ZNF658: variants seen among roughly 807,000 people sequenced by gnomAD.
ZNF658 encodes the protein zinc finger protein 658.
ZNF658 carries 46 observed loss-of-function variants against 78.0 expected under a neutral mutation model. The observed-to-expected ratio is 0.59, with a 90% confidence interval of 0.47 to 0.75. The LOEUF (loss-of-function observed/expected upper bound fraction) is 0.75, where lower values mean the gene tolerates loss of function less well. ZNF658 is among the 30% of genes least tolerant of loss of function. ZNF658 has a pLI of 0.00. For synonymous variants in ZNF658, 279 were observed against 408.4 expected (o/e 0.68, Z 3.82); for missense variants, 785 against 1,189.3 (o/e 0.66, Z 5.00).
intron 6 of ZNF658, among the ~76,000 whole-genome samples, chr9:66,931,795 C>T: frequency 8.2e-6 from 1 of 121,478 alleles, no homozygotes; most frequent in Non-Finnish European, 1.7e-5. Context: ...TAAAAACTCA[C>T]ATCATGTCAA....
At chr9:66,908,404 G>C (rs1198731979) in intron 3 of ZNF658, 40 bp downstream of exon 3, 6 of 1,613,054 alleles carry the variant, frequency 3.7e-6, no homozygotes, top group Non-Finnish European at 5.1e-6. Context: ...GAGAATATAT[G>C]TCCCTTTTTA....
At chr9:66,913,469 C>T (rs1421675226) in intron 4 of ZNF658, among the ~76,000 whole-genome samples, 2 of 151,558 alleles carry the variant, frequency 1.3e-5, no homozygotes, top group Non-Finnish European at 2.9e-5. Flanking sequence ...CTTCCACCCC[C>T]AGGGGGTCAG....
chr9:66,902,032 T>A (rs1821964049), intron 1 of ZNF658, among the ~76,000 whole-genome samples: 1 of 152,184 alleles, frequency 6.6e-6, no homozygotes, highest in South Asian at 2.1e-4. Flanking sequence ...TTTACTTAAC[T>A]CATTCCTTCC....
chr9:66,908,437 C>T (rs1564170399), intron 3 of ZNF658, 73 bp downstream of exon 3: 1 of 1,600,784 alleles, frequency 6.2e-7, no homozygotes, highest in Non-Finnish European at 8.5e-7. Flanking sequence ...ACACATGGAC[C>T]CTTTATAGAG....
downstream of ZNF658, among the ~76,000 whole-genome samples, chr9:66,922,440 C>T (rs1261388141): frequency 2.1e-5 from 3 of 141,962 alleles, no homozygotes; most frequent in Non-Finnish European, 3.1e-5. Flanking sequence ...ACGCTGGGAG[C>T]TGTAGACTGG....
chr9:66,901,416 G>T (rs1362440984), intron 1 of ZNF658, among the ~76,000 whole-genome samples: 1 of 151,880 alleles, frequency 6.6e-6, no homozygotes, highest in Non-Finnish European at 1.5e-5. Flanking sequence ...CCTGCCTAAA[G>T]CCTTCAGAGC....
chr9:66,905,057 C>CTTTTT (rs1564168801), intron 2 of ZNF658, among the ~76,000 whole-genome samples: 16 of 62,088 alleles, frequency 2.6e-4, no homozygotes, highest in Non-Finnish European at 3.7e-4. Flanking sequence ...TTTCTTTTCT[C>CTTTTT]TTTTTCTTTT....
intron 6 of ZNF658, among the ~76,000 whole-genome samples, chr9:66,928,959 C>T (rs1441948648): frequency 6.8e-6 from 1 of 146,474 alleles, no homozygotes; most frequent in African/African-American, 2.5e-5. Context: ...TAATTGTATG[C>T]CAATTATACC....
intron 6 of ZNF658, among the ~76,000 whole-genome samples, chr9:66,929,045 C>T (rs1038564087): frequency 1.3e-5 from 2 of 151,968 alleles, no homozygotes; most frequent in Non-Finnish European, 2.9e-5. Flanking sequence ...GGGCCTCAGA[C>T]AGAGACAGAG....
At chr9:66,913,528 GCACCT>G (rs1053035467) in intron 4 of ZNF658, among the ~76,000 whole-genome samples, 7 of 152,112 alleles carry the variant, frequency 4.6e-5, no homozygotes, top group African/African-American at 1.7e-4. Flanking sequence ...CAGTGATGCT[GCACCT>G]CACTCCCGCT....
intron 4 of ZNF658, among the ~76,000 whole-genome samples, chr9:66,909,838 C>T (rs1460364597): frequency 1.3e-5 from 2 of 152,156 alleles, no homozygotes; most frequent in African/African-American, 2.4e-5. Context: ...TAATAAAATA[C>T]CATAGGCTGG....
intron 6 of ZNF658, among the ~76,000 whole-genome samples, chr9:66,929,002 C>T (rs937684864): frequency 6.6e-6 from 1 of 150,912 alleles, no homozygotes; most frequent in African/African-American, 2.4e-5. Flanking sequence ...ATTGGCAATA[C>T]ATGTTAAACC....
intron 6 of ZNF658, among the ~76,000 whole-genome samples, chr9:66,926,541 T>A (rs1196330590): frequency 2.8e-5 from 4 of 144,400 alleles, no homozygotes; most frequent in Non-Finnish European, 1.5e-5. Context: ...CACTGCAAAC[T>A]GCAAAACATT....
Position 66,919,867 on chromosome 9 carries a change from G to A in ZNF658, c.2301G>A (p.Glu767=). Residue 767 remains glutamate, a synonymous_variant, in exon 5 of 5, where the codon GAG becomes GAA. Transcript: ENST00000621410. ...CACATCGGAGAATTCACACAGGGGA[G>A]AAACCCTATGAATGTAGCAAGTGTG... ...LSTHRRIHTG[E]KPYECSKCGK... is the part of the protein sequence containing the mutation. The A allele has an allele frequency of 6.2e-7, 1 of 1,603,430 alleles. No individual in the cohort carries two copies. Among genetic ancestry groups the A allele is most frequent in the South Asian group, 1.1e-5 (1 of 90,510 alleles).
At chr9:66,907,104 C>T (rs1017770651) in intron 2 of ZNF658, among the ~76,000 whole-genome samples, 1 of 151,098 alleles carries the variant, frequency 6.6e-6, no homozygotes, top group African/African-American at 2.4e-5. Context: ...ACTTTTTCTG[C>T]TTTGTGGTTC....
chr9:66,929,805 A>T (rs1822623192), intron 6 of ZNF658, among the ~76,000 whole-genome samples: 1 of 104,014 alleles, frequency 9.6e-6, no homozygotes, highest in Non-Finnish European at 2.0e-5. Context: ...TTTTTTTTAG[A>T]CGGAGTCTTG....
At chr9:66,903,221 G>C (rs1470445971) in intron 1 of ZNF658, 1 of 288,362 alleles carries the variant, frequency 3.5e-6, no homozygotes, top group African/African-American at 2.2e-5. Context: ...AAGTTTAAGC[G>C]CACATAATCG....
intron 2 of ZNF658, among the ~76,000 whole-genome samples, chr9:66,905,077 T>C (rs1275979704): frequency 9.4e-6 from 1 of 106,072 alleles, no homozygotes; most frequent in South Asian, 3.3e-4. Context: ...TCTTTTTTTT[T>C]TTTTTTTTTT....
At position 66,918,546 on chromosome 9, in the gene ZNF658, G is replaced by A. The variant is rs745919599; in HGVS notation, c.980G>A (p.Ser327Asn). The A allele has an allele frequency of 6.2e-7, 1 of 1,607,008 alleles. No individual in the cohort carries two copies. The highest frequency in any genetic ancestry group is 8.5e-7 in the Non-Finnish European group (1 of 1,174,744). The change falls in exon 5 of 5, where the codon AGC (serine) becomes AAC (asparagine). Residue 327 changes from serine to asparagine, a missense_variant. This residue lies in a region of ZNF658 where 393 missense variants were observed against 400.2 expected (regional missense o/e 0.98). Coordinates refer to ENST00000621410, the MANE Select transcript of ZNF658 (RefSeq NM_033160.7). ...RTITGWSAFESNKCEENFSQS... is the reference protein window; with the variant it reads ...RTITGWSAFENNKCEENFSQS... ...ATTACAGGATGGAGTGCTTTTGAAA[G>A]CAATAAATGTGAAGAAAATTTTAGC...
Sources: allele counts gnomAD v4.1 joint callset (sites outside exome capture counted in the v4.1 genomes callset), GRCh38; gene constraint gnomAD v4.1.1; regional missense constraint gnomAD v4.1.1; transcripts MANE v1.5; gene names NCBI Gene and HGNC (gene_info 2026-07-23, HGNC 2026-07-21).